The following DYNC1H1 variants were observed in gnomAD, a reference collection of about 807,000 sequenced individuals.
DYNC1H1 encodes dynein cytoplasmic 1 heavy chain 1.
Under a neutral mutation model 527.1 loss-of-function variants are expected in DYNC1H1, and 51 were observed. The ratio of observed to expected loss-of-function variants is 0.10; its 90% CI spans 0.08 to 0.12. The LOEUF (loss-of-function observed/expected upper bound fraction) is 0.12, where lower values mean the gene tolerates loss of function less well. Among genes scored for constraint, DYNC1H1 ranks in the 10% least tolerant of loss-of-function variants. DYNC1H1 has a pLI of 1.00. For missense variants in DYNC1H1, 2,771 were observed against 5,971.8 expected, an observed-to-expected ratio of 0.46 and a Z score of 17.66; for synonymous variants, 2,189 against 2,278.8, an observed-to-expected ratio of 0.96 and a Z score of 1.12.
rs1456265445 is a variant in DYNC1H1 at position 102,017,744 on chromosome 14, A to G, written c.8177+240A>G. ...CACTTTGGGAGGCCGAGGCGGGCGG[A>G]TCACGAGGTCAGGAGATTGAGACCA... On this transcript the variant is annotated intron_variant, in intron 40 of 77. Transcript: ENST00000360184. This position sits in a 1 kb window ranked among gnomAD's most constrained non-coding sequence, Gnocchi z 4.6. The G allele has an allele frequency of 1.6e-6, 1 of 608,966 alleles. No individual in the cohort carries two copies. The highest frequency in any genetic ancestry group is 2.7e-6 in the Non-Finnish European group (1 of 364,504). 37.7% of individuals were successfully genotyped at this position (608,966 alleles called of 1,614,324 possible).
In DYNC1H1 at chr14:102,027,282, G is replaced by C; in HGVS notation, c.8880G>C (p.Gln2960His). The change falls in exon 45 of 78, where the codon CAG becomes CAC. Residue 2960 changes from glutamine to histidine, a missense_variant. Around this residue, in one of 32 missense-constraint regions of DYNC1H1, gnomAD observed 84 missense variants for 285.4 expected, o/e 0.29. Coordinates refer to ENST00000360184, the MANE Select transcript of DYNC1H1 (RefSeq NM_001376.5). The surrounding 1 kb of genome is among the most constrained non-coding windows in gnomAD (Gnocchi z 7.7). ...GGATGAACGGTTTGAGTGTGTACCAGATTAAGGTGCGTCTGGTCGGTGGCC... is the reference window on the plus strand; with the variant it reads ...GGATGAACGGTTTGAGTGTGTACCACATTAAGGTGCGTCTGGTCGGTGGCC... ...VAWMNGLSVY[Q>H]IKVHRKYTGE... 6.2e-7 allele frequency: 1 copy of C among 1,614,120 alleles called. No homozygotes were observed. Among genetic ancestry groups the C allele is most frequent in the Non-Finnish European group, 8.5e-7 (1 of 1,180,034 alleles).
At position 102,042,841 on chromosome 14, in the gene DYNC1H1, A is replaced by G. The variant is rs2048668437; in HGVS notation, c.12513+93A>G. 1 of 1,429,532 alleles carries G rather than the reference A, an allele frequency of 7.0e-7. No homozygotes were observed. The highest frequency in any genetic ancestry group is 9.7e-7 in the Non-Finnish European group (1 of 1,032,094). 88.6% of individuals were successfully genotyped at this position (1,429,532 alleles called of 1,614,324 possible). On this transcript the variant is annotated intron_variant, in intron 69 of 77. Transcript: ENST00000360184. This position sits in a 1 kb window ranked among gnomAD's most constrained non-coding sequence, Gnocchi z 5.7. ...AGAAGTGGGTCCCTGGGCCCCCGGA[A>G]GTGCCGTGTGGTGAACTGCACAGCT...
chr14:102,036,740 G>T lies in DYNC1H1; in HGVS notation c.10908+98G>T, dbSNP rs951775272. ...TTTCAACTTTGTAAGACTTCATTTT[G>T]TATCAGAAGGATAAAGCTTTGCGGT... On this transcript the variant is annotated intron_variant, in intron 57 of 77. Transcript: ENST00000360184. The surrounding 1 kb of genome is among the most constrained non-coding windows in gnomAD (Gnocchi z 5.6). 21 of 1,447,056 alleles carry T rather than the reference G, an allele frequency of 1.5e-5. No homozygotes were observed. The South Asian group carries it at 2.4e-4, about 17-fold the overall frequency. 89.6% of individuals were successfully genotyped at this position (1,447,056 alleles called of 1,614,324 possible). A position where few individuals can be genotyped will look rare whatever the true frequency, so the allele number is the denominator to read the frequency against.
intron 48 of DYNC1H1, 21 bp downstream of exon 48, chr14:102,028,162 A>G: frequency 6.2e-7 from 1 of 1,612,938 alleles, no homozygotes; most frequent in South Asian, 1.1e-5. Context: ...TTTTGAGATC[A>G]ACAGATAAAC....
Position 102,004,932 on chromosome 14 carries a change from T to G in DYNC1H1, c.5220T>G (p.Thr1740=), listed in dbSNP as rs1567008000. ...CAATTGACCCAAATACCTACATCAC[T>G]TGGATTGATAAATACCAGGTAATCT... ...ATSIDPNTYI[T]WIDKYQAQLV... is the part of the protein sequence containing the mutation. Residue 1740 remains threonine (T), a synonymous_variant, in exon 25 of 78, where the codon ACT becomes ACG. Transcript: ENST00000360184. 1 of 1,614,216 alleles carries G rather than the reference T, an allele frequency of 6.2e-7. No homozygotes were observed. The highest frequency in any genetic ancestry group is 1.6e-4 in the Middle Eastern group (1 of 6,062).
In DYNC1H1 at chr14:102,012,995, A is replaced by G. The variant is rs982503513; in HGVS notation, c.7014+525A>G. ...CCGGGCGCGGTGGCTCACGCCTGTAATCCCAGCACTTTGGGAGGCCGAGGC... is the reference window on the plus strand; with the variant it reads ...CCGGGCGCGGTGGCTCACGCCTGTAGTCCCAGCACTTTGGGAGGCCGAGGC... On this transcript the variant is annotated intron_variant, in intron 34 of 77. Transcript: ENST00000360184. The surrounding 1 kb of genome is among the most constrained non-coding windows in gnomAD (Gnocchi z 4.9). 5.6e-6 allele frequency: 1 copy of G among 177,902 alleles called. No homozygotes were observed. The highest frequency in any genetic ancestry group is 1.2e-5 in the Non-Finnish European group (1 of 82,328). The allele number at this position is 177,902 out of a possible 1,614,324, so 11.0% of individuals were successfully genotyped here. A position where few individuals can be genotyped will look rare whatever the true frequency, so the allele number is the denominator to read the frequency against.
rs2048349254 is a variant in DYNC1H1, at chr14:102,018,395, C to A, written c.8178-56C>A. 3 of 1,598,252 alleles carry A rather than the reference C, an allele frequency of 1.9e-6. No homozygotes were observed. The highest frequency in any genetic ancestry group is 1.7e-4 in the Middle Eastern group (1 of 6,056). ...CAGGGCGACTCCACTGGCACACTGC[C>A]CCTTCCTGGGAGGCGCTGTCAGGGA... On this transcript the variant is annotated intron_variant, in intron 40 of 77. Transcript: ENST00000360184. The surrounding 1 kb of genome is among the most constrained non-coding windows in gnomAD (Gnocchi z 5.2).
chr14:102,030,009 T>C, intron 50 of DYNC1H1, 71 bp downstream of exon 50: 1 of 1,612,504 alleles, frequency 6.2e-7, no homozygotes, highest in Non-Finnish European at 8.5e-7. Flanking sequence ...GTAGGAAATG[T>C]AGTTCCAAAT....
chr14:102,029,814 T>C lies in DYNC1H1; in HGVS notation c.9643-5T>C, dbSNP rs1057522736. ...TCGTCTCTGAGTGTGGGCTTTGCTC[T>C]TTAGGTAGAAGAACTGCGTCGTGAC... On this transcript the variant is annotated splice_region_variant and splice_polypyrimidine_tract_variant and intron_variant, in intron 49 of 77. Transcript: ENST00000360184. The surrounding 1 kb of genome is among the most constrained non-coding windows in gnomAD (Gnocchi z 5.3). The C allele has an allele frequency of 6.2e-7, 1 of 1,614,166 alleles. No homozygotes were observed. The highest frequency in any genetic ancestry group is 8.5e-7 in the Non-Finnish European group (1 of 1,180,036).
Position 102,042,870 on chromosome 14 carries a change from T to G in DYNC1H1, c.12513+122T>G. ...CCGTGTGGTGAACTGCACAGCTGCT[T>G]TTGCTTTTCAGCTGTAGGTAAAATT... is the stretch of plus-strand genomic sequence containing the variant. On this transcript the variant is annotated intron_variant, in intron 69 of 77. Transcript: ENST00000360184. The surrounding 1 kb of genome is among the most constrained non-coding windows in gnomAD (Gnocchi z 5.7). 2 of 1,172,540 alleles carry G rather than the reference T, an allele frequency of 1.7e-6. No homozygotes were observed. Among genetic ancestry groups the G allele is most frequent in the Non-Finnish European group, 2.5e-6 (2 of 807,086 alleles). The allele number at this position is 1,172,540 out of a possible 1,614,324, so 72.6% of individuals were successfully genotyped here. A position where few individuals can be genotyped will look rare whatever the true frequency, so the allele number is the denominator to read the frequency against.
At chr14:102,009,549 C>T (rs1385185878) in intron 29 of DYNC1H1, 4 of 369,486 alleles carry the variant, frequency 1.1e-5, no homozygotes, top group African/African-American at 4.2e-5. Context: ...ATCTCTATCT[C>T]GAGTTCTCCA....
At chr14:102,004,008 G>T (rs894891231) in intron 23 of DYNC1H1, among the ~76,000 whole-genome samples, 1 of 151,880 alleles carries the variant, frequency 6.6e-6, no homozygotes, top group African/African-American at 2.4e-5. Context: ...TTGGGTGGCC[G>T]AGGCGGGCGG....
At chr14:101,966,886 A>T (rs1040824946) in intron 1 of DYNC1H1, among the ~76,000 whole-genome samples, 1 of 152,178 alleles carries the variant, frequency 6.6e-6, no homozygotes, top group African/African-American at 2.4e-5. Context: ...CTGTTGTCTT[A>T]TGAGTACCTT....
At chr14:101,991,162 G>C (rs1268497081) in intron 10 of DYNC1H1, among the ~76,000 whole-genome samples, 1 of 151,938 alleles carries the variant, frequency 6.6e-6, no homozygotes, top group Admixed American at 6.6e-5. Context: ...GACAGAGTGA[G>C]ACCCTATCTC....
chr14:101,980,609 T>C lies in DYNC1H1; in HGVS notation c.961+59T>C. On this transcript the variant is annotated intron_variant, in intron 5 of 77. Coordinates refer to ENST00000360184, the MANE Select transcript of DYNC1H1 (RefSeq NM_001376.5). Reference sequence around the variant, plus strand: ...TTATTGATCTGGCTTTTACGAGATCTTACTTGATAATTTAAATGAAAACTA... The same window carrying C: ...TTATTGATCTGGCTTTTACGAGATCCTACTTGATAATTTAAATGAAAACTA... The C allele has an allele frequency of 1.9e-6, 3 of 1,574,228 alleles. No homozygotes were observed. The South Asian group carries it at 3.4e-5, about 18-fold the overall frequency.
intron 2 of DYNC1H1, among the ~76,000 whole-genome samples, chr14:101,977,450 C>T (rs1453761215): frequency 6.6e-6 from 1 of 152,188 alleles, no homozygotes; most frequent in Non-Finnish European, 1.5e-5. Context: ...AGACAATATG[C>T]TCCTTTATCC....
At chr14:102,040,472 G>A in intron 63 of DYNC1H1, 62 bp downstream of exon 63, 1 of 1,613,046 alleles carries the variant, frequency 6.2e-7, no homozygotes, top group Non-Finnish European at 8.5e-7. Flanking sequence ...GAAATGTAAG[G>A]AATTGCATGT....
In DYNC1H1 at chr14:101,985,719, G is replaced by A; in HGVS notation, c.1494G>A (p.Glu498=). ...CAGTTGCACAACAGAATCAAGGAGA[G>A]GTCCCTGAACCCCAAGATATGAAAG... ...VTAVAQQNQG[E]VPEPQDMKVA... is the part of the protein sequence containing the mutation. The change falls in exon 8 of 78, where the codon GAG becomes GAA. Residue 498 remains glutamate, a synonymous_variant. Coordinates refer to ENST00000360184, the MANE Select transcript of DYNC1H1 (RefSeq NM_001376.5). This position sits in a 1 kb window ranked among gnomAD's most constrained non-coding sequence, Gnocchi z 5.9. 1 of 1,614,208 alleles carries A rather than the reference G, an allele frequency of 6.2e-7. No individual in the cohort carries two copies. Among genetic ancestry groups the A allele is most frequent in the Non-Finnish European group, 8.5e-7 (1 of 1,180,038 alleles).
intron 1 of DYNC1H1, among the ~76,000 whole-genome samples, chr14:101,968,495 A>G (rs1477502732): frequency 6.6e-6 from 1 of 151,476 alleles, no homozygotes; most frequent in African/African-American, 2.4e-5. Flanking sequence ...CCGCCTGCCA[A>G]AGTGCTGGGA....
Sources: gnomAD v4.1 joint callset for allele counts (sites outside exome capture counted in the v4.1 genomes callset) on GRCh38, gnomAD v4.1.1 for gene constraint, gnomAD v4.1.1 regional missense constraint, Gnocchi (gnomAD v3.1) non-coding constraint, MANE v1.5 for transcripts, NCBI Gene and HGNC (gene_info 2026-07-23, HGNC 2026-07-21) for gene names.